ATM: variants seen among roughly 807,000 people sequenced by gnomAD.
The protein encoded by ATM is ATM serine/threonine kinase.
In ATM, 308 loss-of-function variants were observed where a neutral mutation model predicts 387.0. That is an observed-to-expected ratio of 0.80 (90% CI 0.73 to 0.87). ATM has a LOEUF of 0.87. Among genes scored for constraint, ATM ranks in the 40% least tolerant of loss-of-function variants. ATM has a pLI of 0.00. For synonymous variants in ATM, 1,156 were observed against 1,187.3 expected (o/e 0.97, Z 0.54); for missense variants, 3,312 against 3,560.9 (o/e 0.93, Z 1.78).
intron 61 of ATM, among the ~76,000 whole-genome samples, chr11:108,363,013 C>T (rs1034787171): frequency 3.9e-5 from 6 of 152,084 alleles, no homozygotes; most frequent in Non-Finnish European, 8.8e-5. Context: ...CCCTCCAATG[C>T]TTTGTGTATT....
At chr11:108,362,373 T>C (rs1416609514) in intron 61 of ATM, among the ~76,000 whole-genome samples, 24 of 151,644 alleles carry the variant, frequency 1.6e-4, no homozygotes, top group Admixed American at 1.6e-3. Context: ...AGTTCAACCA[T>C]TGTGGAAGTC....
chr11:108,286,312 C>CAAAAAA (rs34917552), intron 26 of ATM, among the ~76,000 whole-genome samples: 1 of 47,172 alleles, frequency 2.1e-5, no homozygotes, highest in African/African-American at 8.8e-5. Context: ...GATTTCGTCT[C>CAAAAAA]AAAAAAAAAA....
chr11:108,304,305 A>T (rs1357419382), intron 36 of ATM, among the ~76,000 whole-genome samples: 2 of 152,188 alleles, frequency 1.3e-5, no homozygotes, highest in African/African-American at 2.4e-5. Flanking sequence ...TCCCTCTTCT[A>T]TCATATCAGA....
Position 108,261,846 on chromosome 11 carries a change from C to T in ATM, c.2466+2771C>T, listed in dbSNP as rs539413756. ...AACTACGTGAAGAATGCAGAAGCCTCAGGAGCCGATGCGATCAACTGGAAG... is the reference window on the plus strand; with the variant it reads ...AACTACGTGAAGAATGCAGAAGCCTTAGGAGCCGATGCGATCAACTGGAAG... On this transcript the variant is annotated intron_variant, in intron 16 of 62. Transcript: ENST00000675843. Among the ~76,000 whole-genome samples the T allele has an allele frequency of 2.3e-3, 348 of 152,214 alleles. 1 individual carries two copies. Among genetic ancestry groups the T allele is most frequent in the Non-Finnish European group, 3.5e-3 (240 of 68,016 alleles).
intron 55 of ATM, among the ~76,000 whole-genome samples, chr11:108,335,444 T>A (rs1252728926): frequency 6.6e-6 from 1 of 152,194 alleles, no homozygotes; most frequent in Non-Finnish European, 1.5e-5. Context: ...GTCCTTTGCA[T>A]CAGTATACCG....
chr11:108,297,288 T>C lies in ATM; in HGVS notation c.4911T>C (p.Asp1637=), dbSNP rs551497234. The change falls in exon 33 of 63, where the codon GAT becomes GAC. Residue 1637 remains aspartate (D), a splice_region_variant and synonymous_variant. Transcript: ENST00000675843. ...TAATTTTTAAAAAATTATTTCTAGA[T>C]AATCCGCAAGATGGGATTATGGTGA... ...QMVDIMRASQ[D]NPQDGIMVKL... 1 of 1,613,524 alleles carries C rather than the reference T, an allele frequency of 6.2e-7. No homozygotes were observed. Among genetic ancestry groups the C allele is most frequent in the African/African-American group, 1.3e-5 (1 of 75,054 alleles).
intron 4 of ATM, among the ~76,000 whole-genome samples, chr11:108,231,064 C>G (rs2078987158): frequency 6.6e-6 from 1 of 152,110 alleles, no homozygotes; most frequent in South Asian, 2.1e-4. Context: ...GCTTATCTTT[C>G]ATTCTGTACT....
Position 108,272,740 on chromosome 11 carries a change from T to A in ATM, c.3172T>A (p.Trp1058Arg), listed in dbSNP as rs1555085992. The A allele has an allele frequency of 6.2e-7, 1 of 1,614,060 alleles. No homozygotes were observed. The highest frequency in any genetic ancestry group is 1.1e-5 in the South Asian group (1 of 91,076). Residue 1058 changes from tryptophan to arginine, a missense_variant, in exon 22 of 63, where the codon TGG becomes AGG. Transcript: ENST00000675843. ...TLLEADPYSK[W>R]AILNVMGKDF... ...CCCGTAGGCTGATCCTTATTCAAAATGGGCCATTCTTAATGTAATGGGAAA... is the reference window on the plus strand; with the variant it reads ...CCCGTAGGCTGATCCTTATTCAAAAAGGGCCATTCTTAATGTAATGGGAAA...
chr11:108,248,798 G>C (rs190197963), intron 8 of ATM, 135 bp from the exon 9 acceptor site: 1 of 700,992 alleles, frequency 1.4e-6, no homozygotes, highest in East Asian at 2.8e-5. Flanking sequence ...TGAGGCAGGA[G>C]AATCACTTGA....
chr11:108,301,547 C>T, intron 34 of ATM, 101 bp from the exon 35 acceptor site: 1 of 1,439,508 alleles, frequency 6.9e-7, no homozygotes, highest in East Asian at 2.3e-5. Flanking sequence ...TTTCCTAATA[C>T]AAATTTTAAA....
intron 61 of ATM, chr11:108,356,195 A>T (rs1232820326): frequency 6.6e-6 from 1 of 152,208 alleles, no homozygotes; most frequent in Non-Finnish European, 1.5e-5. Flanking sequence ...TGCCTCAATA[A>T]TGTCGAAATT....
intron 60 of ATM, 140 bp from the exon 61 acceptor site, chr11:108,354,671 G>A (rs980818996): frequency 3.9e-5 from 31 of 804,950 alleles, no homozygotes; most frequent in Admixed American, 9.2e-5. Flanking sequence ...ACTCTGCCAA[G>A]TATTATGCTA....
At chr11:108,284,139 G>T (rs2135702540) in intron 25 of ATM, 88 bp from the exon 26 acceptor site, 1 of 992,712 alleles carries the variant, frequency 1.0e-6, no homozygotes, top group Non-Finnish European at 1.5e-6. Context: ...AATGCTGATG[G>T]TATTAAAACA....
chr11:108,241,463 T>G (rs1370373548), intron 5 of ATM, among the ~76,000 whole-genome samples: 1 of 152,188 alleles, frequency 6.6e-6, no homozygotes, highest in East Asian at 1.9e-4. Flanking sequence ...GCAGTGGGTT[T>G]TTTTTACACA....
chr11:108,256,204 T>A lies in ATM; in HGVS notation c.2125-11T>A, dbSNP rs1054208254. The A allele has an allele frequency of 2.5e-6, 4 of 1,590,950 alleles. No homozygotes were observed. In the African/African-American group the frequency reaches 4.0e-5, roughly 16 times the overall value. ...GAAATATATATATTTTTATTTGTGG[T>A]TTACTTTAAGATTACAAATTCAGAA... On this transcript the variant is annotated splice_polypyrimidine_tract_variant and intron_variant, in intron 13 of 62. Transcript: ENST00000675843.
chr11:108,314,428 C>G (rs977131475), intron 40 of ATM, among the ~76,000 whole-genome samples: 1 of 149,498 alleles, frequency 6.7e-6, no homozygotes, highest in East Asian at 2.0e-4. Flanking sequence ...TAGGTGTTGA[C>G]AAGATTGTTT....
chr11:108,252,132 C>T, intron 11 of ATM, 101 bp downstream of exon 11: 1 of 994,092 alleles, frequency 1.0e-6, no homozygotes, highest in Non-Finnish European at 1.5e-6. Context: ...AATAATAATG[C>T]AGAATTTCCC....
chr11:108,303,452 T>TA (rs954877206), intron 36 of ATM, among the ~76,000 whole-genome samples: 46 of 152,088 alleles, frequency 3.0e-4, no homozygotes, highest in Middle Eastern at 3.4e-3. Flanking sequence ...CAACGAAGAG[T>TA]AAAGGTACAT....
In ATM at chr11:108,366,685, A is replaced by G. The variant is rs918021286; in HGVS notation, c.*1177A>G. The G allele has an allele frequency of 3.9e-5, 9 of 231,386 alleles. No individual in the cohort carries two copies. Among genetic ancestry groups the G allele is most frequent in the Admixed American group, 2.3e-4 (4 of 17,720 alleles). 14.3% of individuals were successfully genotyped at this position (231,386 alleles called of 1,614,324 possible). The stretch of plus-strand genomic sequence containing the variant: ...AGGGTTTCCATACCTGAAGTGTAGC[A>G]TAAATACTGATAGGAGATTTCCCAG... On this transcript the variant is annotated 3_prime_UTR_variant, in exon 63 of 63. Transcript: ENST00000675843.
Sources: allele counts gnomAD v4.1 joint callset (sites outside exome capture counted in the v4.1 genomes callset), GRCh38; gene constraint gnomAD v4.1.1; transcripts MANE v1.5; gene names NCBI Gene and HGNC (gene_info 2026-07-23, HGNC 2026-07-21).